The following CDH3 variants were observed in gnomAD, a reference collection of about 807,000 sequenced individuals.
The protein encoded by CDH3 is cadherin 3.
Under a neutral mutation model 82.0 loss-of-function variants are expected in CDH3, and 54 were observed. The observed-to-expected ratio is 0.66, with a 90% CI of 0.53 to 0.83. The LOEUF is 0.83. Among genes scored for constraint, CDH3 ranks in the 40% least tolerant of loss-of-function variants. CDH3 has a pLI of 0.00. For missense variants in CDH3, 1,054 were observed against 1,084.6 expected (o/e 0.97, Z 0.40); for synonymous variants, 446 against 437.9 (o/e 1.02, Z -0.23).
chr16:68,704,035 C>G (rs1309618072), downstream of CDH3, among the ~76,000 whole-genome samples: 1 of 151,948 alleles, frequency 6.6e-6, no homozygotes, highest in Non-Finnish European at 1.5e-5. Flanking sequence ...GCTTGTAATC[C>G]CAGCAATTTG....
At chr16:68,706,211 C>T (rs1460372856) in intron 1 of CDH3, among the ~76,000 whole-genome samples, 2 of 152,138 alleles carry the variant, frequency 1.3e-5, no homozygotes, top group African/African-American at 4.8e-5. Flanking sequence ...ACAGGTGTAT[C>T]CTCACAGTGA....
In CDH3 at chr16:68,679,782, T is replaced by TCATC; in HGVS notation, c.692-15_692-12dup. 6.5e-7 allele frequency: 1 copy of TCATC among 1,530,428 alleles called. No individual in the cohort carries two copies. The highest frequency in any genetic ancestry group is 8.9e-7 in the Non-Finnish European group (1 of 1,121,468). The allele number at this position is 1,530,428 out of a possible 1,614,324, so 94.8% of individuals were successfully genotyped here. A position where few individuals can be genotyped will look rare whatever the true frequency, so the allele number is the denominator to read the frequency against. On this transcript the variant is annotated splice_polypyrimidine_tract_variant and intron_variant, in intron 6 of 15. Transcript: ENST00000264012. The stretch of plus-strand genomic sequence containing the variant: ...AGTTGGAACTGGGAGGAAAAGATAC[T>TCATC]CATCCCTTCTCTCCAGGTACTTCTG...
intron 2 of CDH3, among the ~76,000 whole-genome samples, chr16:68,653,917 C>T (rs989932027): frequency 2.6e-5 from 4 of 151,668 alleles, no homozygotes; most frequent in Non-Finnish European, 5.9e-5. Flanking sequence ...CGAGGTTTCG[C>T]CATGTTAGCC....
chr16:68,672,677 C>T (rs973816834), intron 2 of CDH3, among the ~76,000 whole-genome samples: 1 of 152,142 alleles, frequency 6.6e-6, no homozygotes, highest in African/African-American at 2.4e-5. Context: ...CACTCCTCGG[C>T]GGGGATGTCG....
intron 3 of CDH3, 89 bp downstream of exon 3, chr16:68,676,559 C>G: frequency 1.0e-6 from 1 of 984,426 alleles, no homozygotes; most frequent in Non-Finnish European, 1.6e-6. Context: ...GTTGCTGTGG[C>G]CATTGTGAGC....
rs548223024 is a variant in CDH3, at chr16:68,707,569, C to T, written c.99+11646C>T. 3.9e-5 allele frequency among the ~76,000 whole-genome samples: 6 copies of T among 152,244 alleles called. No individual in the cohort carries two copies. In the East Asian group the frequency reaches 5.8e-4, roughly 15 times the overall value. ...GAGAGCGCCCTGTAGTCTGGTAGGG[C>T]GGTGGCTAAGACAGCAGCCCCTAAA... On this transcript the variant is annotated intron_variant, in intron 1 of 2. Transcript: ENST00000569080. The surrounding 1 kb of genome is among the most constrained non-coding windows in gnomAD (Gnocchi z 4.5).
chr16:68,650,593 G>C (rs564633130), intron 2 of CDH3, among the ~76,000 whole-genome samples: 7 of 152,182 alleles, frequency 4.6e-5, no homozygotes, highest in African/African-American at 1.7e-4. Context: ...GAGCCACCAC[G>C]CCCGGCCATA....
At chr16:68,730,490 C>T (rs1046609083), downstream of CDH3, among the ~76,000 whole-genome samples, 1 of 151,758 alleles carries the variant, frequency 6.6e-6, no homozygotes, top group Admixed American at 6.6e-5. Context: ...CACGTCATTG[C>T]ACCCAGCCTG....
downstream of CDH3, among the ~76,000 whole-genome samples, chr16:68,731,045 A>ATAC (rs1396395240): frequency 1.7e-4 from 3 of 17,240 alleles, no homozygotes; most frequent in African/African-American, 4.4e-4. Flanking sequence ...AAAAAAAAAA[A>ATAC]AAATATATAT....
At chr16:68,654,713 A>ATATATATAT (rs1555504518) in intron 2 of CDH3, among the ~76,000 whole-genome samples, 2 of 91,128 alleles carry the variant, frequency 2.2e-5, no homozygotes, top group Non-Finnish European at 4.6e-5. Flanking sequence ...AAAAAAAAAA[A>ATATATATAT]ATATATATAT....
chr16:68,728,617 A>G (rs12930910), downstream of CDH3, among the ~76,000 whole-genome samples: 36,758 of 152,148 alleles, frequency 0.24, 4,758 homozygotes, highest in Admixed American at 0.28. Flanking sequence ...TCTTAAAGGC[A>G]GGGACCGTAT....
chr16:68,646,502 AC>A lies in CDH3; in HGVS notation c.160+761del, dbSNP rs372573208. Among the ~76,000 whole-genome samples the A allele has an allele frequency of 5.4e-3, 611 of 112,788 alleles. 6 individuals carry two copies. The highest frequency in any genetic ancestry group is 0.024 in the East Asian group (98 of 4,076). The allele number at this position is 112,788 out of a possible 152,430, so 74.0% of individuals were successfully genotyped here. On this transcript the variant is annotated intron_variant, in intron 2 of 15. Transcript: ENST00000264012. The stretch of plus-strand genomic sequence containing the variant: ...CATTTTTGATCCCTCAGTTACTCCT[AC>A]CCCCCCCCTCCCCGCCCCAAGTTCA...
chr16:68,655,461 A>G (rs1960387169), intron 2 of CDH3, among the ~76,000 whole-genome samples: 1 of 152,234 alleles, frequency 6.6e-6, no homozygotes, highest in Non-Finnish European at 1.5e-5. Flanking sequence ...TTCACTAGTG[A>G]ACAAAATGTG....
At chr16:68,709,368 G>A (rs943525977) in intron 1 of CDH3, among the ~76,000 whole-genome samples, 1 of 152,082 alleles carries the variant, frequency 6.6e-6, no homozygotes, top group Admixed American at 6.6e-5. Flanking sequence ...CCCTGCACCC[G>A]GCGCAGAAGC....
intron 12 of CDH3, 142 bp downstream of exon 12, chr16:68,687,878 T>A: frequency 1.5e-6 from 1 of 684,256 alleles, no homozygotes; most frequent in Non-Finnish European, 2.7e-6. Flanking sequence ...CTCAATCAGA[T>A]GCTATTTATT....
In CDH3 at chr16:68,707,830, AG is replaced by A. The variant is rs1961982752; in HGVS notation, c.99+11911del. Among the ~76,000 whole-genome samples, 1 of 146,370 alleles carries A rather than the reference AG, an allele frequency of 6.8e-6. No individual in the cohort carries two copies. Among genetic ancestry groups the A allele is most frequent in the Admixed American group, 6.8e-5 (1 of 14,646 alleles). On this transcript the variant is annotated intron_variant, in intron 1 of 2. Transcript: ENST00000569080. This position sits in a 1 kb window ranked among gnomAD's most constrained non-coding sequence, Gnocchi z 4.5. ...CTGTACCCACTGCCCAGCAAGCGGC[AG>A]GGGTGTGGCGGGCCGGGGAGGAATC... is the stretch of plus-strand genomic sequence containing the variant.
At chr16:68,723,993 C>T (rs1962191464) in intron 2 of CDH3, among the ~76,000 whole-genome samples, 1 of 150,926 alleles carries the variant, frequency 6.6e-6, no homozygotes, top group South Asian at 2.1e-4. Context: ...GGCGTGAACC[C>T]GGGAGGCGGA....
At chr16:68,648,517 T>A (rs1254276111) in intron 2 of CDH3, among the ~76,000 whole-genome samples, 3 of 151,066 alleles carry the variant, frequency 2.0e-5, no homozygotes, top group Non-Finnish European at 4.4e-5. Context: ...AGTGATGCAA[T>A]CACGGTTCAC....
rs530878747 is a variant in CDH3 at position 68,717,418 on chromosome 16, CA to C, written c.100-5004del. Reference sequence around the variant, plus strand: ...TGGCCTAGATGTGTTTGTCCCCAACCAAACTCATGTTGAAATTTAGTTGTCA... The same window carrying C: ...TGGCCTAGATGTGTTTGTCCCCAACCAACTCATGTTGAAATTTAGTTGTCA... On this transcript the variant is annotated intron_variant, in intron 1 of 2. Transcript: ENST00000569080. Among the ~76,000 whole-genome samples the C allele has an allele frequency of 2.1e-3, 323 of 152,294 alleles. 1 individual carries two copies. The highest frequency in any genetic ancestry group is 3.5e-3 in the Admixed American group (53 of 15,288).
Sources: allele counts gnomAD v4.1 joint callset (sites outside exome capture counted in the v4.1 genomes callset), GRCh38; gene constraint gnomAD v4.1.1; non-coding constraint Gnocchi (gnomAD v3.1); transcripts MANE v1.5; gene names NCBI Gene and HGNC (gene_info 2026-07-23, HGNC 2026-07-21).